GPR149: variants seen among roughly 807,000 people sequenced by gnomAD.
The protein encoded by GPR149 is G protein-coupled receptor 149.
Under a neutral mutation model 50.2 loss-of-function variants are expected in GPR149, and 50 were observed. That is an observed-to-expected ratio of 1.00 (90% CI 0.79 to 1.26). The LOEUF is 1.26. Among genes scored for constraint, GPR149 ranks in the 50% most tolerant of loss-of-function variants. The pLI is 0.00. For missense variants in GPR149, 983 were observed against 895.4 expected (o/e 1.10, Z -1.25); for synonymous variants, 405 against 358.2 (o/e 1.13, Z -1.48).
rs1048689881 is a variant in GPR149, at chr3:154,337,951, T to C, written c.1944A>G (p.Arg648=). ...SNISQSSTQV[R]SPSLRYSRKE... is the part of the protein sequence containing the mutation. ...TCCTGGAGTAACGTAGGGATGGAGA[T>C]CTGACTTGTGTGGAGGACTGACTGA... Residue 648 remains arginine, a synonymous_variant, in exon 4 of 4, where the codon AGA becomes AGG. Transcript: ENST00000389740. The C allele has an allele frequency of 1.2e-6, 2 of 1,613,814 alleles. No individual in the cohort carries two copies. Among genetic ancestry groups the C allele is most frequent in the East Asian group, 4.5e-5 (2 of 44,876 alleles).
intron 3 of GPR149, among the ~76,000 whole-genome samples, chr3:154,409,532 A>C (rs1711780592): frequency 6.6e-6 from 1 of 152,072 alleles, no homozygotes; most frequent in African/African-American, 2.4e-5. Flanking sequence ...GCATAAATAA[A>C]AAACAATCAC....
At chr3:154,392,526 A>G (rs1389176250) in intron 3 of GPR149, among the ~76,000 whole-genome samples, 1 of 151,798 alleles carries the variant, frequency 6.6e-6, no homozygotes, top group African/African-American at 2.4e-5. Flanking sequence ...ACGTCTCAAG[A>G]AGCTGAAAAA....
At chr3:154,352,506 T>C in intron 3 of GPR149, 1 of 774,764 alleles carries the variant, frequency 1.3e-6, no homozygotes, top group Non-Finnish European at 2.4e-6. Flanking sequence ...AGACGCTGTA[T>C]TACTACTTAG....
chr3:154,335,320 C>T lies in GPR149; in HGVS notation c.*2379G>A, dbSNP rs1576893380. Reference sequence around the variant, plus strand: ...AAACACACTTTTATAATCAATCACTCTAAAGAGTAAGCAGACTTAAGTAAA... The same window carrying T: ...AAACACACTTTTATAATCAATCACTTTAAAGAGTAAGCAGACTTAAGTAAA... On this transcript the variant is annotated 3_prime_UTR_variant, in exon 4 of 4. Transcript: ENST00000389740. The T allele has an allele frequency of 2.6e-5, 4 of 152,258 alleles. No individual in the cohort carries two copies. The South Asian group carries it at 8.3e-4, about 32-fold the overall frequency. 9.4% of individuals were successfully genotyped at this position (152,258 alleles called of 1,614,324 possible). A position where few individuals can be genotyped will look rare whatever the true frequency, so the allele number is the denominator to read the frequency against.
intron 3 of GPR149, among the ~76,000 whole-genome samples, chr3:154,385,859 G>T (rs1029774905): frequency 6.6e-6 from 1 of 151,828 alleles, no homozygotes; most frequent in African/African-American, 2.4e-5. Flanking sequence ...CTGCCACCAC[G>T]CCCAGCTATT....
At chr3:154,354,825 A>G in intron 3 of GPR149, 1 of 469,678 alleles carries the variant, frequency 2.1e-6, no homozygotes, top group Non-Finnish European at 3.3e-6. Flanking sequence ...CCCTCCACGC[A>G]CAGTGGCCAC....
chr3:154,349,705 T>C (rs996406532), intron 3 of GPR149, among the ~76,000 whole-genome samples: 10 of 152,116 alleles, frequency 6.6e-5, no homozygotes, highest in Non-Finnish European at 1.3e-4. Context: ...TTACAGAAAA[T>C]ACAAGACAAA....
At chr3:154,414,244 G>T (rs180686393) in intron 3 of GPR149, among the ~76,000 whole-genome samples, 1 of 151,766 alleles carries the variant, frequency 6.6e-6, no homozygotes, top group East Asian at 1.9e-4. Flanking sequence ...CAAAATCTCA[G>T]AAATCACCAC....
Position 154,338,205 on chromosome 3 carries a change from T to C in GPR149, c.1690A>G (p.Thr564Ala), listed in dbSNP as rs775116814. ...GTAGAAAGAGATAGGGTTTTCCCTGTAGGTGCATGGAGAGACACAGTCCCC... is the reference window on the plus strand; with the variant it reads ...GTAGAAAGAGATAGGGTTTTCCCTGCAGGTGCATGGAGAGACACAGTCCCC... ...FQGTVSLHAP[T>A]GKTLSLSTYE... Residue 564 changes from threonine to alanine, a missense_variant, in exon 4 of 4, where the codon ACA becomes GCA. Coordinates refer to ENST00000389740, the MANE Select transcript of GPR149 (RefSeq NM_001038705.3). 13 of 1,613,788 alleles carry C rather than the reference T, an allele frequency of 8.1e-6. No homozygotes were observed. Among genetic ancestry groups the C allele is most frequent in the South Asian group, 4.4e-5 (4 of 91,058 alleles).
At chr3:154,393,314 A>G (rs1715213021) in intron 3 of GPR149, among the ~76,000 whole-genome samples, 2 of 152,084 alleles carry the variant, frequency 1.3e-5, no homozygotes, top group Non-Finnish European at 2.9e-5. Flanking sequence ...CCACACTGAC[A>G]GAATAAAAGA....
chr3:154,415,352 T>C (rs1053903186), intron 3 of GPR149, among the ~76,000 whole-genome samples: 3 of 152,000 alleles, frequency 2.0e-5, no homozygotes, highest in Non-Finnish European at 4.4e-5. Context: ...TTGCAGCAAA[T>C]GATGCATGCT....
chr3:154,339,325 T>C (rs1713729211), intron 3 of GPR149, among the ~76,000 whole-genome samples: 1 of 152,204 alleles, frequency 6.6e-6, no homozygotes, highest in Non-Finnish European at 1.5e-5. Flanking sequence ...TGGGATCCAT[T>C]GCTCTAACTA....
At chr3:154,340,829 C>T (rs1030399769) in intron 3 of GPR149, among the ~76,000 whole-genome samples, 1 of 152,168 alleles carries the variant, frequency 6.6e-6, no homozygotes, top group Non-Finnish European at 1.5e-5. Flanking sequence ...TCAAGTGATT[C>T]TCCTGCCTCA....
intron 3 of GPR149, chr3:154,352,165 T>C: frequency 1.3e-6 from 1 of 777,874 alleles, no homozygotes; most frequent in Non-Finnish European, 2.0e-6. Flanking sequence ...TGGCCCCCAC[T>C]TCTTGATCGA....
intron 3 of GPR149, among the ~76,000 whole-genome samples, chr3:154,360,108 T>C (rs148822806): frequency 3.3e-5 from 5 of 152,322 alleles, no homozygotes; most frequent in Non-Finnish European, 5.9e-5. Context: ...TGAAAAAATC[T>C]GAGAATTCTG....
chr3:154,340,969 C>T (rs1187869090), intron 3 of GPR149, among the ~76,000 whole-genome samples: 2 of 152,106 alleles, frequency 1.3e-5, no homozygotes, highest in Non-Finnish European at 1.5e-5. Context: ...AACTCCCTGC[C>T]TCGGCCTCCC....
intron 3 of GPR149, 106 bp from the exon 4 acceptor site, chr3:154,338,377 T>C: frequency 1.1e-6 from 1 of 884,552 alleles, no homozygotes. Context: ...CTATTTCAGA[T>C]CCATTTCCCT....
Position 154,336,974 on chromosome 3 carries a change from G to A in GPR149, c.*725C>T, listed in dbSNP as rs1713668812. The stretch of plus-strand genomic sequence containing the variant: ...ACAACTTTTTTCCAATAATGTTTGA[G>A]TTAAAGATACTTCTAATTCCACCTC... On this transcript the variant is annotated 3_prime_UTR_variant, in exon 4 of 4. Coordinates refer to ENST00000389740, the MANE Select transcript of GPR149 (RefSeq NM_001038705.3). The A allele has an allele frequency of 1.3e-5, 2 of 151,810 alleles. No individual in the cohort carries two copies. Among genetic ancestry groups the A allele is most frequent in the Admixed American group, 1.3e-4 (2 of 15,226 alleles). The allele number at this position is 151,810 out of a possible 1,614,324, so 9.4% of individuals were successfully genotyped here. A position where few individuals can be genotyped will look rare whatever the true frequency, so the allele number is the denominator to read the frequency against.
At chr3:154,407,957 A>G (rs78599274) in intron 3 of GPR149, among the ~76,000 whole-genome samples, 1,936 of 152,324 alleles carry the variant, frequency 0.013, 43 homozygotes, top group African/African-American at 0.044. Flanking sequence ...TGATTATGTC[A>G]TGTTGGATAG....
Sources: gnomAD v4.1 joint callset for allele counts (sites outside exome capture counted in the v4.1 genomes callset) on GRCh38, gnomAD v4.1.1 for gene constraint, MANE v1.5 for transcripts, NCBI Gene and HGNC (gene_info 2026-07-23, HGNC 2026-07-21) for gene names.